The following SGSM1 variants were observed in gnomAD, a reference collection of about 807,000 sequenced individuals.
The protein encoded by SGSM1 is small G protein signaling modulator 1.
A neutral mutation model predicts 133.8 loss-of-function variants in SGSM1; 73 were observed. The ratio of observed to expected loss-of-function variants is 0.55; its 90% CI spans 0.45 to 0.66. The LOEUF is 0.66. Among genes scored for constraint, SGSM1 ranks in the 30% least tolerant of loss-of-function variants. The pLI, the probability that SGSM1 is intolerant of heterozygous loss-of-function variation, is 0.00. For synonymous variants in SGSM1, 563 were observed against 573.0 expected, an observed-to-expected ratio of 0.98 and a Z score of 0.25; for missense variants, 1,213 against 1,448.1, an observed-to-expected ratio of 0.84 and a Z score of 2.64.
chr22:24,920,945 A>G (rs2123751511), intron 24 of SGSM1, among the ~76,000 whole-genome samples: 1 of 152,268 alleles, frequency 6.6e-6, no homozygotes, highest in Non-Finnish European at 1.5e-5. Flanking sequence ...TACAGGCTTT[A>G]TTTGGATTTC....
In SGSM1 at chr22:24,912,638, C is replaced by G. The variant is rs755208056; in HGVS notation, c.2819-5C>G. ...GCATCTGACTGTTCTGTGATGCTTT[C>G]TCAGAGGCCCTTGCCTTCAGCTGCT... is the stretch of plus-strand genomic sequence containing the variant. On this transcript the variant is annotated splice_region_variant and splice_polypyrimidine_tract_variant and intron_variant, in intron 21 of 24. Coordinates refer to ENST00000400358, the MANE Select transcript of SGSM1 (RefSeq NM_001098497.3). 2 of 1,605,262 alleles carry G rather than the reference C, an allele frequency of 1.2e-6. No individual in the cohort carries two copies.
Position 24,855,061 on chromosome 22 carries a change from T to C in SGSM1, c.521T>C (p.Leu174Ser). The change falls in exon 6 of 25, where the codon TTG becomes TCG. Residue 174 changes from leucine (L) to serine (S), a missense_variant and splice_region_variant. Leu to Ser is a moderately radical substitution (Grantham distance 145, BLOSUM62 -2). Coordinates refer to ENST00000400358, the MANE Select transcript of SGSM1 (RefSeq NM_001098497.3). Reference protein sequence around the residue: ...PVDGPILASLLVGPCALEYTK... With the variant: ...PVDGPILASLSVGPCALEYTK... ...GACGGCCCCATCCTTGCATCTTTGT[T>C]GGGTAAGTTGTCCTGTGTGCTGAGC... 1 of 1,612,880 alleles carries C rather than the reference T, an allele frequency of 6.2e-7. No homozygotes were observed. Among genetic ancestry groups the C allele is most frequent in the Non-Finnish European group, 8.5e-7 (1 of 1,179,480 alleles).
intron 10 of SGSM1, among the ~76,000 whole-genome samples, chr22:24,867,786 A>C (rs1003919982): frequency 2.0e-5 from 3 of 152,210 alleles, no homozygotes; most frequent in Non-Finnish European, 4.4e-5. Flanking sequence ...AGCCTTTTAC[A>C]TGAGACAGAC....
At chr22:24,911,783 G>A (rs183069332) in intron 21 of SGSM1, among the ~76,000 whole-genome samples, 11 of 152,276 alleles carry the variant, frequency 7.2e-5, no homozygotes, top group Admixed American at 2.0e-4. Context: ...CTCTAGGCGC[G>A]GTGGCTCACG....
intron 5 of SGSM1, among the ~76,000 whole-genome samples, chr22:24,851,880 G>A (rs1423593411): frequency 1.3e-5 from 2 of 152,216 alleles, no homozygotes; most frequent in Non-Finnish European, 2.9e-5. Context: ...GAAACTGCAA[G>A]AAATCCAAGC....
Position 24,901,899 on chromosome 22 carries a change from C to T in SGSM1, c.2677C>T (p.Arg893Cys), listed in dbSNP as rs1270462852. Residue 893 changes from arginine to cysteine, a missense_variant, in exon 20 of 25, where the codon CGC (arginine) becomes TGC (cysteine). By Grantham distance (180) the Arg-to-Cys change is radical. Transcript: ENST00000400358. ...CGAGAAGGATGTGCAGAGGTGCGAC[C>T]GCAACTACTGGTACTTCACGCCCGC... ...RIEKDVQRCDRNYWYFTPANL... is the reference protein window; with the variant it reads ...RIEKDVQRCDCNYWYFTPANL... The T allele has an allele frequency of 5.0e-6, 8 of 1,607,910 alleles. No homozygotes were observed. Among genetic ancestry groups the T allele is most frequent in the Non-Finnish European group, 6.8e-6 (8 of 1,177,562 alleles).
chr22:24,829,155 C>G (rs1411454650), intron 2 of SGSM1, among the ~76,000 whole-genome samples: 1 of 151,710 alleles, frequency 6.6e-6, no homozygotes, highest in African/African-American at 2.4e-5. Context: ...GAGATCGTGC[C>G]ACTGCACTCC....
rs180905232 is a variant in SGSM1 at position 24,889,394 on chromosome 22, C to T, written c.1770+2666C>T. On this transcript the variant is annotated intron_variant, in intron 16 of 24. Coordinates refer to ENST00000400358, the MANE Select transcript of SGSM1 (RefSeq NM_001098497.3). ...TTTTGACTTCATGATGGCTTTATCA[C>T]GTTATTAAATGTATTTCTTTTTTTT... Among the ~76,000 whole-genome samples the T allele has an allele frequency of 4.0e-5, 6 of 151,014 alleles. No individual in the cohort carries two copies. In the East Asian group the frequency reaches 9.8e-4, roughly 25 times the overall value.
chr22:24,920,120 A>G, intron 24 of SGSM1, 127 bp downstream of exon 24: 1 of 980,856 alleles, frequency 1.0e-6, no homozygotes. Context: ...GGCTCTGCAC[A>G]CTTCTTATGG....
chr22:24,830,152 C>A lies in SGSM1; in HGVS notation c.64-14745C>A, dbSNP rs59884604. On this transcript the variant is annotated intron_variant, in intron 2 of 24. Coordinates refer to ENST00000400358, the MANE Select transcript of SGSM1 (RefSeq NM_001098497.3). ...GTTACCCTCCTTGCTAATTAACCAG[C>A]CTTTTCAATTTCATCTCCTGGCCTC... 4.6e-3 allele frequency among the ~76,000 whole-genome samples: 704 copies of A among 152,304 alleles called. 6 individuals are homozygous for A. Among genetic ancestry groups the A allele is most frequent in the African/African-American group, 0.016 (671 of 41,554 alleles).
Position 24,868,451 on chromosome 22 carries a change from G to A in SGSM1, c.1070G>A (p.Gly357Glu). 1.2e-6 allele frequency: 2 copies of A among 1,613,918 alleles called. No homozygotes were observed. The highest frequency in any genetic ancestry group is 1.3e-5 in the African/African-American group (1 of 75,026). Residue 357 changes from glycine (G) to glutamate (E), a missense_variant, in exon 11 of 25, where the codon GGG becomes GAG. Physicochemically the swap from Gly to Glu is moderately conservative, Grantham distance 98 (BLOSUM62 -2). Transcript: ENST00000400358. ...CCGCCCTTCCGCTTCCCCAAGGGCG[G>A]GCACCTCCTGCAGTTCCTCTCGTGC... ...QRPPFRFPKG[G>E]HLLQFLSCLE...
chr22:24,926,737 T>C lies in SGSM1; in HGVS notation c.*2463T>C, dbSNP rs970135588. 2 of 152,274 alleles carry C rather than the reference T, an allele frequency of 1.3e-5. No individual in the cohort carries two copies. Among genetic ancestry groups the C allele is most frequent in the African/African-American group, 2.4e-5 (1 of 41,466 alleles). The allele number at this position is 152,274 out of a possible 1,614,324, so 9.4% of individuals were successfully genotyped here. A position where few individuals can be genotyped will look rare whatever the true frequency, so the allele number is the denominator to read the frequency against. ...AATTGGATGCGTGGGACTCGTTCTG[T>C]CCGCGGAGTGCACTCTTTTTTTCAG... On this transcript the variant is annotated 3_prime_UTR_variant, in exon 25 of 25. Coordinates refer to ENST00000400358, the MANE Select transcript of SGSM1 (RefSeq NM_001098497.3).
In SGSM1 at chr22:24,806,357, T is replaced by A. The variant is rs1393363228; in HGVS notation, c.19+13T>A. On this transcript the variant is annotated intron_variant, in intron 1 of 24. Coordinates refer to ENST00000400358, the MANE Select transcript of SGSM1 (RefSeq NM_001098497.3). ...TCGGCCCCCGCGGGTAAGAGGCCGC[T>A]GGACACGAGGGCGGCGGGAGGGCAG... The A allele has an allele frequency of 2.0e-6, 3 of 1,492,586 alleles. No homozygotes were observed. In the African/African-American group the frequency reaches 4.4e-5, roughly 22 times the overall value. 92.5% of individuals were successfully genotyped at this position (1,492,586 alleles called of 1,614,324 possible). A position where few individuals can be genotyped will look rare whatever the true frequency, so the allele number is the denominator to read the frequency against.
At chr22:24,883,095 G>A (rs574807089) in intron 14 of SGSM1, among the ~76,000 whole-genome samples, 3 of 151,188 alleles carry the variant, frequency 2.0e-5, no homozygotes, top group East Asian at 3.9e-4. Flanking sequence ...TAGTAGAGAC[G>A]GGGTCTCACC....
chr22:24,834,648 T>C (rs917749981), intron 2 of SGSM1, among the ~76,000 whole-genome samples: 1 of 152,222 alleles, frequency 6.6e-6, no homozygotes, highest in Admixed American at 6.5e-5. Flanking sequence ...CACTTCCTTC[T>C]GAACTCTGTG....
Position 24,927,330 on chromosome 22 carries a change from C to T in SGSM1, c.*3056C>T, listed in dbSNP as rs1934235651. 1 of 152,340 alleles carries T rather than the reference C, an allele frequency of 6.6e-6. No individual in the cohort carries two copies. Among genetic ancestry groups the T allele is most frequent in the East Asian group, 1.9e-4 (1 of 5,194 alleles). 9.4% of individuals were successfully genotyped at this position (152,340 alleles called of 1,614,324 possible). On this transcript the variant is annotated 3_prime_UTR_variant, in exon 25 of 25. Transcript: ENST00000400358. ...GCAGATCCCAGAAGGTAAGCAGAAA[C>T]ACACACTGTCTCTTGGTCTCAGCTT...
chr22:24,922,692 G>A (rs1934055455), intron 24 of SGSM1, among the ~76,000 whole-genome samples: 1 of 151,744 alleles, frequency 6.6e-6, no homozygotes, highest in African/African-American at 2.4e-5. Flanking sequence ...TAGCCAGGAT[G>A]GTCTCGATCT....
At chr22:24,870,503 A>C (rs1366809690) in intron 12 of SGSM1, among the ~76,000 whole-genome samples, 1 of 152,180 alleles carries the variant, frequency 6.6e-6, no homozygotes, top group Non-Finnish European at 1.5e-5. Context: ...CTGGGTGTTT[A>C]ATTTATTTGG....
chr22:24,861,976 CAG>C (rs895441481), intron 9 of SGSM1, among the ~76,000 whole-genome samples: 5 of 137,094 alleles, frequency 3.6e-5, no homozygotes, highest in African/African-American at 1.4e-4. Context: ...TTTTTTGAGA[CAG>C]AGTTTTGCTC....
Sources: allele counts gnomAD v4.1 joint callset (sites outside exome capture counted in the v4.1 genomes callset), GRCh38; gene constraint gnomAD v4.1.1; transcripts MANE v1.5; gene names NCBI Gene and HGNC (gene_info 2026-07-23, HGNC 2026-07-21).